RNGTT: variants seen among roughly 807,000 people sequenced by gnomAD.
The protein encoded by RNGTT is RNA guanylyltransferase and 5'-phosphatase.
Under a neutral mutation model 79.3 loss-of-function variants are expected in RNGTT, and 33 were observed. The observed-to-expected ratio is 0.42, with a 90% CI of 0.32 to 0.56. RNGTT has a LOEUF of 0.56. Among genes scored for constraint, RNGTT ranks in the 20% least tolerant of loss-of-function variants. The pLI, the probability that RNGTT is intolerant of heterozygous loss-of-function variation, is 0.17. For missense variants in RNGTT, 497 were observed against 739.1 expected (o/e 0.67, Z 3.80); for synonymous variants, 222 against 235.9 (o/e 0.94, Z 0.54).
intron 11 of RNGTT, among the ~76,000 whole-genome samples, chr6:88,819,181 A>T (rs1450753700): frequency 6.6e-6 from 1 of 152,186 alleles, no homozygotes; most frequent in Non-Finnish European, 1.5e-5. Context: ...AAATTATATA[A>T]AACTTAAATA....
chr6:88,619,787 CA>C lies in RNGTT; in HGVS notation c.1507-5393del, dbSNP rs1452445046. ...CATATCTCAAGTAAATGAACTCAAA[CA>C]AAAATCTTGTTTTCACGTAAATAAC... On this transcript the variant is annotated intron_variant, in intron 14 of 15. Coordinates refer to ENST00000369485, the MANE Select transcript of RNGTT (RefSeq NM_003800.5). Among the ~76,000 whole-genome samples the C allele has an allele frequency of 3.3e-5, 5 of 152,136 alleles. No homozygotes were observed. In the East Asian group the frequency reaches 9.6e-4, roughly 29 times the overall value.
At position 88,837,134 on chromosome 6, in the gene RNGTT, T is replaced by C. The variant is rs555840708; in HGVS notation, c.1269+7223A>G. On this transcript the variant is annotated intron_variant, in intron 11 of 15. Coordinates refer to ENST00000369485, the MANE Select transcript of RNGTT (RefSeq NM_003800.5). ...TCTGGCCGGGCATGGTGGCTTACCG[T>C]GTAATCCCAACACTTCGGGAAGCCA... Among the ~76,000 whole-genome samples, 3 of 152,288 alleles carry C rather than the reference T, an allele frequency of 2.0e-5. No homozygotes were observed. The South Asian group carries it at 6.2e-4, about 32-fold the overall frequency.
intron 13 of RNGTT, among the ~76,000 whole-genome samples, chr6:88,685,284 T>C (rs1324401204): frequency 6.6e-6 from 1 of 152,154 alleles, no homozygotes; most frequent in Non-Finnish European, 1.5e-5. Context: ...CAATGGAAAC[T>C]ATGGACTTTA....
chr6:88,704,804 A>T (rs1270128569), intron 13 of RNGTT, among the ~76,000 whole-genome samples: 1 of 152,076 alleles, frequency 6.6e-6, no homozygotes, highest in East Asian at 1.9e-4. Context: ...AGGGGAGGAA[A>T]ACTAGGCCAA....
chr6:88,834,339 T>C (rs894483602), intron 11 of RNGTT, among the ~76,000 whole-genome samples: 4 of 152,168 alleles, frequency 2.6e-5, no homozygotes, highest in Non-Finnish European at 5.9e-5. Context: ...TTCTTAAATT[T>C]CCCTCTGAAA....
intron 11 of RNGTT, among the ~76,000 whole-genome samples, chr6:88,812,641 C>T (rs1380800272): frequency 6.6e-6 from 1 of 152,182 alleles, no homozygotes; most frequent in Non-Finnish European, 1.5e-5. Context: ...AGGCCATAAC[C>T]TGAACTGGAC....
In RNGTT at chr6:88,849,756, T is replaced by C. The variant is rs1406575745; in HGVS notation, c.1103A>G (p.Asn368Ser). Reference protein sequence around the residue: ...RYLIYDIIKFNSQPVGDCDFN... With the variant: ...RYLIYDIIKFSSQPVGDCDFN... ...ATTTTATAAATTATAGGTACTTACA[T>C]TGAATTTAATTATGTCATATATCAA... Residue 368 changes from asparagine to serine, a missense_variant and splice_region_variant, in exon 10 of 16, where the codon AAT (asparagine) becomes AGT (serine). Coordinates refer to ENST00000369485, the MANE Select transcript of RNGTT (RefSeq NM_003800.5). The C allele has an allele frequency of 2.6e-6, 4 of 1,534,410 alleles. No individual in the cohort carries two copies. The African/African-American group carries it at 4.2e-5, about 16-fold the overall frequency.
At chr6:88,736,585 G>C (rs1777293805) in intron 13 of RNGTT, among the ~76,000 whole-genome samples, 1 of 152,126 alleles carries the variant, frequency 6.6e-6, no homozygotes, top group African/African-American at 2.4e-5. Context: ...AAATGCAAGA[G>C]AAAGAGAAAT....
chr6:88,891,122 C>T (rs1021883227), intron 7 of RNGTT, among the ~76,000 whole-genome samples: 1 of 151,788 alleles, frequency 6.6e-6, no homozygotes, highest in Non-Finnish European at 1.5e-5. Flanking sequence ...TTTAACACAA[C>T]ATTAAAACCG....
chr6:88,671,375 A>C (rs1483586409), intron 14 of RNGTT, among the ~76,000 whole-genome samples: 1 of 152,218 alleles, frequency 6.6e-6, no homozygotes, highest in African/African-American at 2.4e-5. Flanking sequence ...AAAATAAAAT[A>C]CTTAGGAATA....
chr6:88,689,113 C>T (rs1460640875), intron 13 of RNGTT, among the ~76,000 whole-genome samples: 1 of 151,990 alleles, frequency 6.6e-6, no homozygotes, highest in Non-Finnish European at 1.5e-5. Flanking sequence ...GAGTCAGTGC[C>T]CTTGCATTGT....
At chr6:88,735,309 TGAG>T (rs1483021921) in intron 13 of RNGTT, among the ~76,000 whole-genome samples, 1 of 152,134 alleles carries the variant, frequency 6.6e-6, no homozygotes, top group African/African-American at 2.4e-5. Flanking sequence ...GTTGAGTTGA[TGAG>T]CAACACTAAT....
At chr6:88,919,863 T>C (rs975976323) in intron 4 of RNGTT, among the ~76,000 whole-genome samples, 5 of 152,222 alleles carry the variant, frequency 3.3e-5, no homozygotes, top group African/African-American at 1.2e-4. Flanking sequence ...GCTAATTTTG[T>C]ATTTTTAGTA....
intron 2 of RNGTT, 136 bp from the exon 3 acceptor site, chr6:88,929,403 T>G: frequency 1.8e-6 from 1 of 567,952 alleles, no homozygotes; most frequent in Non-Finnish European, 3.1e-6. Flanking sequence ...CCCTGAACAA[T>G]TGATAATAAA....
At chr6:88,746,889 T>G (rs573228578) in intron 13 of RNGTT, among the ~76,000 whole-genome samples, 2 of 152,316 alleles carry the variant, frequency 1.3e-5, no homozygotes, top group East Asian at 3.9e-4. Flanking sequence ...CACGCTACTA[T>G]GACACAACAC....
intron 14 of RNGTT, among the ~76,000 whole-genome samples, chr6:88,644,205 C>A (rs1469769061): frequency 6.6e-6 from 1 of 152,142 alleles, no homozygotes; most frequent in Non-Finnish European, 1.5e-5. Flanking sequence ...AAACTACCAT[C>A]AGAAAATACT....
chr6:88,727,708 A>G (rs1776967869), intron 13 of RNGTT, among the ~76,000 whole-genome samples: 1 of 152,172 alleles, frequency 6.6e-6, no homozygotes, highest in African/African-American at 2.4e-5. Flanking sequence ...TTTTTGGTCT[A>G]AAAACTAATA....
intron 11 of RNGTT, among the ~76,000 whole-genome samples, chr6:88,839,926 CA>C (rs1473345420): frequency 5.3e-5 from 8 of 152,146 alleles, no homozygotes; most frequent in Admixed American, 2.0e-4. Context: ...TTTAACAGAT[CA>C]AATTAAACAA....
chr6:88,680,301 CA>C (rs776794716), intron 13 of RNGTT, among the ~76,000 whole-genome samples: 10 of 151,876 alleles, frequency 6.6e-5, no homozygotes, highest in Admixed American at 2.6e-4. Flanking sequence ...TAATAATAAC[CA>C]GGTGATTGTT....
Sources: gnomAD v4.1 joint callset for allele counts (sites outside exome capture counted in the v4.1 genomes callset) on GRCh38, gnomAD v4.1.1 for gene constraint, MANE v1.5 for transcripts, NCBI Gene and HGNC (gene_info 2026-07-23, HGNC 2026-07-21) for gene names.